Variants in SERPINI1 observed in about 807,000 individuals in gnomAD.
SERPINI1 encodes the protein serpin family I member 1.
SERPINI1 carries 19 observed loss-of-function variants against 41.1 expected under a neutral mutation model. That is an observed-to-expected ratio of 0.46 (90% CI 0.32 to 0.68). SERPINI1 has a LOEUF of 0.68. SERPINI1 is among the 30% of genes least tolerant of loss of function. The probability of loss-of-function intolerance (pLI) is 0.03; values close to 1 mark genes in which losing one functional copy is unlikely to be tolerated. For missense variants in SERPINI1, 460 were observed against 479.2 expected (o/e 0.96, Z 0.37); for synonymous variants, 138 against 156.6 (o/e 0.88, Z 0.89).
intron 6 of SERPINI1, among the ~76,000 whole-genome samples, chr3:167,808,414 G>A (rs982162670): frequency 6.6e-6 from 1 of 151,912 alleles, no homozygotes; most frequent in Non-Finnish European, 1.5e-5. Flanking sequence ...ATGAACTTAA[G>A]ACTGAGTAAA....
At chr3:167,817,687 T>C (rs369870045) in intron 6 of SERPINI1, among the ~76,000 whole-genome samples, 1 of 152,110 alleles carries the variant, frequency 6.6e-6, no homozygotes, top group Non-Finnish European at 1.5e-5. Flanking sequence ...AAGCTCTGCC[T>C]CCTGGGTTCA....
intron 1 of SERPINI1, among the ~76,000 whole-genome samples, chr3:167,767,932 A>G (rs1429519520): frequency 6.6e-6 from 1 of 152,206 alleles, no homozygotes; most frequent in African/African-American, 2.4e-5. Flanking sequence ...TCTACTGGTG[A>G]AGATGCTGTG....
intron 1 of SERPINI1, among the ~76,000 whole-genome samples, chr3:167,777,972 TC>T (rs1727014237): frequency 1.3e-5 from 2 of 152,220 alleles, no homozygotes; most frequent in African/African-American, 4.8e-5. Flanking sequence ...CCCTCTCTCA[TC>T]TTCTCTTGCC....
intron 5 of SERPINI1, among the ~76,000 whole-genome samples, chr3:167,803,032 A>T (rs891767278): frequency 6.6e-6 from 1 of 151,986 alleles, no homozygotes; most frequent in Non-Finnish European, 1.5e-5. Flanking sequence ...CAAGATGAAA[A>T]AACCAAACAC....
chr3:167,807,282 T>C lies in SERPINI1; in HGVS notation c.920T>C (p.Leu307Ser), dbSNP rs140384336. ...VEQEIDLKDVLKALGITEIFI... is the reference protein window; with the variant it reads ...VEQEIDLKDVSKALGITEIFI... ...CAGGAAATTGATTTAAAAGATGTTT[T>C]GAAGGCTCTTGGAATAACTGAAATT... The change falls in exon 6 of 9, where the codon TTG becomes TCG. Residue 307 changes from leucine to serine, a missense_variant. Transcript: ENST00000446050. 6 of 1,612,992 alleles carry C rather than the reference T, an allele frequency of 3.7e-6. No homozygotes were observed. The highest frequency in any genetic ancestry group is 4.2e-6 in the Non-Finnish European group (5 of 1,179,408).
intron 6 of SERPINI1, among the ~76,000 whole-genome samples, chr3:167,819,819 A>G (rs1393506573): frequency 1.3e-5 from 2 of 152,258 alleles, no homozygotes; most frequent in Non-Finnish European, 2.9e-5. Context: ...ATGATGCTGG[A>G]CATCAGCAAC....
At chr3:167,752,292 A>G (rs943533063) in intron 1 of SERPINI1, among the ~76,000 whole-genome samples, 2 of 152,124 alleles carry the variant, frequency 1.3e-5, no homozygotes, top group South Asian at 2.1e-4. Context: ...TAACTCTCCA[A>G]GTGGATGTCT....
intron 1 of SERPINI1, among the ~76,000 whole-genome samples, chr3:167,743,989 A>G (rs6444588): frequency 0.56 from 84,847 of 151,886 alleles, 26,483 homozygotes; most frequent in African/African-American, 0.85. Context: ...TTTACATCTT[A>G]TTAAGGCTGC....
intron 1 of SERPINI1, among the ~76,000 whole-genome samples, chr3:167,777,470 G>A (rs577436509): frequency 3.0e-4 from 45 of 152,204 alleles, no homozygotes; most frequent in African/African-American, 1.0e-3. Flanking sequence ...AGAGGTTATT[G>A]TAGTTGTGAA....
At chr3:167,749,001 A>T (rs756571594) in intron 1 of SERPINI1, among the ~76,000 whole-genome samples, 1 of 152,218 alleles carries the variant, frequency 6.6e-6, no homozygotes, top group Non-Finnish European at 1.5e-5. Flanking sequence ...AATAATTCAA[A>T]ATGTAACCGT....
At chr3:167,788,431 G>A (rs151043600) in intron 1 of SERPINI1, among the ~76,000 whole-genome samples, 106 of 152,270 alleles carry the variant, frequency 7.0e-4, no homozygotes, top group African/African-American at 2.4e-3. Flanking sequence ...GGACTGTGTC[G>A]TAGCAAGAAT....
Position 167,825,369 on chromosome 3 carries a change from T to A in SERPINI1, c.*46T>A. On this transcript the variant is annotated 3_prime_UTR_variant, in exon 9 of 9. Transcript: ENST00000446050. ...AGGAAAACAGTAACTAAGCACATTA[T>A]GTTTGCAACTGGTATATATTTAGGA... 2 of 1,108,382 alleles carry A rather than the reference T, an allele frequency of 1.8e-6. No individual in the cohort carries two copies. Among genetic ancestry groups the A allele is most frequent in the Non-Finnish European group, 2.8e-6 (2 of 718,232 alleles). 68.7% of individuals were successfully genotyped at this position (1,108,382 alleles called of 1,614,324 possible). A position where few individuals can be genotyped will look rare whatever the true frequency, so the allele number is the denominator to read the frequency against.
At position 167,785,985 on chromosome 3, in the gene SERPINI1, C is replaced by A. The variant is rs558121718; in HGVS notation, c.-18-3126C>A. ...AATTTCACTCTTGTGGCAACATCACCGAGTATACTTACACAAACCTAGATA... is the reference window on the plus strand; with the variant it reads ...AATTTCACTCTTGTGGCAACATCACAGAGTATACTTACACAAACCTAGATA... On this transcript the variant is annotated intron_variant, in intron 1 of 8. Coordinates refer to ENST00000446050, the MANE Select transcript of SERPINI1 (RefSeq NM_001122752.2). Among the ~76,000 whole-genome samples the A allele has an allele frequency of 6.6e-5, 10 of 152,222 alleles. No individual in the cohort carries two copies. The South Asian group carries it at 1.5e-3, about 22-fold the overall frequency.
chr3:167,756,047 C>T (rs551385588), intron 1 of SERPINI1, among the ~76,000 whole-genome samples: 2 of 152,148 alleles, frequency 1.3e-5, no homozygotes, highest in Admixed American at 6.5e-5. Flanking sequence ...TCCCCACCCC[C>T]TGACCCCTGC....
At chr3:167,785,951 T>A (rs901558786) in intron 1 of SERPINI1, among the ~76,000 whole-genome samples, 99 of 152,190 alleles carry the variant, frequency 6.5e-4, no homozygotes, top group African/African-American at 2.3e-3. Flanking sequence ...AACAAATGAG[T>A]CATTAGGCAA....
intron 1 of SERPINI1, among the ~76,000 whole-genome samples, chr3:167,783,617 A>C (rs567252375): frequency 6.6e-6 from 1 of 152,286 alleles, no homozygotes; most frequent in South Asian, 2.1e-4. Flanking sequence ...TCTGTGGAGA[A>C]TATCAACACT....
chr3:167,818,387 C>T (rs935928049), intron 6 of SERPINI1, among the ~76,000 whole-genome samples: 1 of 152,080 alleles, frequency 6.6e-6, no homozygotes, highest in East Asian at 1.9e-4. Flanking sequence ...TCTATCAAAA[C>T]TTATCAAATC....
chr3:167,740,517 A>T (rs1164984149), intron 1 of SERPINI1, among the ~76,000 whole-genome samples: 1 of 152,222 alleles, frequency 6.6e-6, no homozygotes, highest in African/African-American at 2.4e-5. Context: ...ACTATTTGGT[A>T]ATCTATAATG....
At chr3:167,809,875 A>G (rs947985506) in intron 6 of SERPINI1, among the ~76,000 whole-genome samples, 2 of 152,104 alleles carry the variant, frequency 1.3e-5, no homozygotes, top group Non-Finnish European at 2.9e-5. Flanking sequence ...AAAATCCTGG[A>G]TTTGCCATTC....
Sources: gnomAD v4.1 joint callset for allele counts (sites outside exome capture counted in the v4.1 genomes callset) on GRCh38, gnomAD v4.1.1 for gene constraint, MANE v1.5 for transcripts, NCBI Gene and HGNC (gene_info 2026-07-23, HGNC 2026-07-21) for gene names.